TBC1D2B: variants seen among roughly 807,000 people sequenced by gnomAD.
The protein encoded by TBC1D2B is TBC1 domain family member 2B.
A neutral mutation model predicts 100.8 loss-of-function variants in TBC1D2B; 64 were observed. That is an observed-to-expected ratio of 0.64 (90% CI 0.52 to 0.78). TBC1D2B has a LOEUF of 0.78. Ranked by LOEUF, TBC1D2B falls within the 30% of genes least tolerant of loss-of-function variation. TBC1D2B has a pLI of 0.00. For synonymous variants in TBC1D2B, 480 were observed against 479.7 expected (o/e 1.00, Z -0.01); for missense variants, 1,052 against 1,218.4 (o/e 0.86, Z 2.03).
chr15:78,073,424 A>C (rs1351688312), intron 1 of TBC1D2B, among the ~76,000 whole-genome samples: 1 of 152,244 alleles, frequency 6.6e-6, no homozygotes, highest in East Asian at 1.9e-4. Flanking sequence ...CTGTGATAAG[A>C]AATGGTATTT....
intron 12 of TBC1D2B, chr15:77,999,187 T>C (rs1386234501): frequency 7.0e-6 from 3 of 426,832 alleles, no homozygotes; most frequent in Non-Finnish European, 1.4e-5. Flanking sequence ...CATGGGCTCA[T>C]GCGCTTCCCT....
chr15:78,049,690 C>A (rs1250221976), intron 2 of TBC1D2B, among the ~76,000 whole-genome samples: 1 of 152,134 alleles, frequency 6.6e-6, no homozygotes, highest in South Asian at 2.1e-4. Context: ...CTGAGGATGT[C>A]TCTGCTGACA....
In TBC1D2B at chr15:78,024,397, C is replaced by G; in HGVS notation, c.1229G>C (p.Ser410Thr). The change falls in exon 6 of 13, where the codon AGC (serine) becomes ACC (threonine). Residue 410 changes from serine (S) to threonine (T), a missense_variant. Transcript: ENST00000300584. ...CTCCAAGCTGAACCTCTCCAGCTGG[C>G]TGGTAAGGCCCAGAATCTGATCATC... ...QKDDQILGLT[S>T]QLERFSLEKE... 1.2e-6 allele frequency: 2 copies of G among 1,614,078 alleles called. No homozygotes were observed. Among genetic ancestry groups the G allele is most frequent in the Non-Finnish European group, 1.7e-6 (2 of 1,179,906 alleles).
At chr15:78,033,922 CA>C (rs1223269295) in intron 3 of TBC1D2B, among the ~76,000 whole-genome samples, 4 of 152,224 alleles carry the variant, frequency 2.6e-5, no homozygotes, top group Non-Finnish European at 4.4e-5. Context: ...ATGTTCTCAT[CA>C]CGCTATCACA....
chr15:78,005,780 T>C (rs1354883551), intron 10 of TBC1D2B, among the ~76,000 whole-genome samples: 1 of 152,214 alleles, frequency 6.6e-6, no homozygotes, highest in Non-Finnish European at 1.5e-5. Context: ...CATCTTTCTA[T>C]ACTGCCTGAC....
intron 10 of TBC1D2B, among the ~76,000 whole-genome samples, chr15:78,004,018 C>T (rs756423691): frequency 2.0e-4 from 31 of 152,200 alleles, no homozygotes; most frequent in South Asian, 6.2e-4. Flanking sequence ...CTCAGCTCTA[C>T]CACTTACTAG....
rs1432228652 is a variant in TBC1D2B, at chr15:78,047,364, C to G, written c.515-2296G>C. On this transcript the variant is annotated intron_variant, in intron 2 of 12. Transcript: ENST00000300584. ...CAACAACCAATGAGACAGAGCTTTC[C>G]CCGTAAAGGAGAACACATCCAGGAG... 1.3e-5 allele frequency among the ~76,000 whole-genome samples: 2 copies of G among 152,112 alleles called. 1 individual carries two copies. The highest frequency in any genetic ancestry group is 1.3e-4 in the Admixed American group (2 of 15,284).
At chr15:78,013,505 T>C (rs2072290424) in intron 8 of TBC1D2B, among the ~76,000 whole-genome samples, 188 bp from the exon 9 acceptor site, 1 of 152,086 alleles carries the variant, frequency 6.6e-6, no homozygotes, top group South Asian at 2.1e-4. Flanking sequence ...TGGCTATCTA[T>C]ATGCAAAAAT....
At chr15:78,042,799 C>T (rs1039085829) in intron 3 of TBC1D2B, among the ~76,000 whole-genome samples, 7 of 152,218 alleles carry the variant, frequency 4.6e-5, no homozygotes, top group East Asian at 1.9e-4. Context: ...AGACTAATGT[C>T]GTATCGTTGA....
At chr15:78,016,827 C>T in intron 7 of TBC1D2B, 88 bp from the exon 8 acceptor site, 2 of 1,101,998 alleles carry the variant, frequency 1.8e-6, no homozygotes, top group Non-Finnish European at 2.5e-6. Flanking sequence ...GAACAACAAA[C>T]CCAAAACTAT....
At chr15:78,055,380 T>G (rs186104537) in intron 1 of TBC1D2B, among the ~76,000 whole-genome samples, 38 of 151,752 alleles carry the variant, frequency 2.5e-4, no homozygotes, top group African/African-American at 9.2e-4. Flanking sequence ...TAAACTAGAC[T>G]GCAGGTATGG....
At chr15:78,056,231 G>A (rs1411448145) in intron 1 of TBC1D2B, among the ~76,000 whole-genome samples, 3 of 152,246 alleles carry the variant, frequency 2.0e-5, no homozygotes, top group African/African-American at 7.2e-5. Flanking sequence ...GAGGAAAAGA[G>A]ATTCCAGGGA....
intron 1 of TBC1D2B, among the ~76,000 whole-genome samples, chr15:78,065,507 TTC>T (rs1216991107): frequency 1.6e-4 from 25 of 152,296 alleles, no homozygotes; most frequent in Admixed American, 1.2e-3. Context: ...TCAAAATACT[TTC>T]TGTTTCAGAG....
intron 1 of TBC1D2B, among the ~76,000 whole-genome samples, chr15:78,068,388 CACA>C (rs2073694434): frequency 2.2e-5 from 3 of 134,504 alleles, no homozygotes; most frequent in South Asian, 2.4e-4. Context: ...CACACCCACA[CACA>C]CACACACACA....
intron 6 of TBC1D2B, among the ~76,000 whole-genome samples, chr15:78,022,884 A>C (rs972357950): frequency 7.9e-5 from 12 of 152,096 alleles, no homozygotes; most frequent in African/African-American, 2.9e-4. Context: ...TATAAGTGTA[A>C]AGTATTGAGA....
At chr15:78,012,772 G>A (rs2072263755) in intron 9 of TBC1D2B, 51 bp downstream of exon 9, 2 of 1,403,350 alleles carry the variant, frequency 1.4e-6, no homozygotes, top group African/African-American at 1.4e-5. Context: ...CAGCACCGGT[G>A]CCTACAAGTT....
chr15:78,040,231 T>G (rs2073043019), intron 3 of TBC1D2B, among the ~76,000 whole-genome samples: 1 of 152,226 alleles, frequency 6.6e-6, no homozygotes, highest in Non-Finnish European at 1.5e-5. Context: ...TTCCTTCACC[T>G]GGTGTGATTT....
chr15:78,024,156 T>C lies in TBC1D2B; in HGVS notation c.1470A>G (p.Lys490=). ...ACCAGAGCCCCTGCCCCACTCTTAC[T>C]TTCAGCCTGTCCAGTTCCAGCTGGT... ...ARDQLELDRL[K]DNLQGYKTQN... The change falls in exon 6 of 13, where the codon AAA becomes AAG. Residue 490 remains lysine, a splice_region_variant and synonymous_variant. Transcript: ENST00000300584. 1.2e-6 allele frequency: 2 copies of C among 1,609,334 alleles called. No individual in the cohort carries two copies. Among genetic ancestry groups the C allele is most frequent in the Non-Finnish European group, 1.7e-6 (2 of 1,177,544 alleles).
At chr15:78,020,381 A>G (rs2072487045) in intron 6 of TBC1D2B, among the ~76,000 whole-genome samples, 1 of 152,234 alleles carries the variant, frequency 6.6e-6, no homozygotes. Context: ...TTACAGTCTA[A>G]GTAAGTCCTG....
Sources: gnomAD v4.1 joint callset for allele counts (sites outside exome capture counted in the v4.1 genomes callset) on GRCh38, gnomAD v4.1.1 for gene constraint, MANE v1.5 for transcripts, NCBI Gene and HGNC (gene_info 2026-07-23, HGNC 2026-07-21) for gene names.